Variants in ATP6V1C2 observed in about 807,000 individuals in gnomAD.
The protein encoded by ATP6V1C2 is ATPase H+ transporting V1 subunit C2.
In ATP6V1C2, 45 loss-of-function variants were observed where a neutral mutation model predicts 56.8. The ratio of observed to expected loss-of-function variants is 0.79; its 90% CI spans 0.62 to 1.02. The LOEUF (loss-of-function observed/expected upper bound fraction) is 1.02. Among genes scored for constraint, ATP6V1C2 ranks in the 50% least tolerant of loss-of-function variants. The pLI, the probability that ATP6V1C2 is intolerant of heterozygous loss-of-function variation, is 0.00. For missense variants in ATP6V1C2, 463 were observed against 519.7 expected, an observed-to-expected ratio of 0.89 and a Z score of 1.06; for synonymous variants, 220 against 201.3, an observed-to-expected ratio of 1.09 and a Z score of -0.79.
chr2:10,734,643 G>A (rs978452483), intron 3 of ATP6V1C2, among the ~76,000 whole-genome samples: 5 of 152,040 alleles, frequency 3.3e-5, no homozygotes, highest in African/African-American at 1.2e-4. Context: ...GGCAGAGGAG[G>A]GAATACACTC....
chr2:10,742,866 C>G (rs1366949175), intron 3 of ATP6V1C2, among the ~76,000 whole-genome samples: 1 of 152,160 alleles, frequency 6.6e-6, no homozygotes, highest in Non-Finnish European at 1.5e-5. Flanking sequence ...TGGGCGGCCC[C>G]TTCTCGCCTG....
At chr2:10,767,910 A>G (rs1309462431) in intron 5 of ATP6V1C2, 1 of 152,194 alleles carries the variant, frequency 6.6e-6, no homozygotes, top group African/African-American at 2.4e-5. Context: ...CCCAAAAGGT[A>G]ACCAATGTTT....
rs975078677 is a variant in ATP6V1C2 at position 10,726,520 on chromosome 2, C to G, written c.148C>G (p.Leu50Val). The change falls in exon 3 of 14, where the codon CTG (leucine) becomes GTG (valine). Residue 50 changes from leucine to valine, a missense_variant. By Grantham distance (32) the Leu-to-Val change is conservative. Coordinates refer to ENST00000272238, the MANE Select transcript of ATP6V1C2 (RefSeq NM_001039362.2). ...PDFKVGTLDS[L>V]VGLSDELGKL... ...TGTCTAGGTGGGGACCTTGGATTCC[C>G]TGGTTGGCCTCTCTGATGAGTTGGG... is the stretch of plus-strand genomic sequence containing the variant. 2 of 1,613,874 alleles carry G rather than the reference C, an allele frequency of 1.2e-6. No individual in the cohort carries two copies. The highest frequency in any genetic ancestry group is 1.7e-6 in the Non-Finnish European group (2 of 1,179,914).
chr2:10,765,106 G>A (rs1341524038), intron 5 of ATP6V1C2, among the ~76,000 whole-genome samples: 1 of 152,158 alleles, frequency 6.6e-6, no homozygotes, highest in African/African-American at 2.4e-5. Flanking sequence ...GTTTGGCCTG[G>A]GAGCCCTAAC....
At chr2:10,743,267 A>G (rs767197687) in intron 3 of ATP6V1C2, among the ~76,000 whole-genome samples, 22 of 151,430 alleles carry the variant, frequency 1.5e-4, no homozygotes, top group African/African-American at 5.1e-4. Flanking sequence ...ATTTATTTAT[A>G]TATATATTTA....
chr2:10,750,481 A>C (rs1041096313), intron 3 of ATP6V1C2, among the ~76,000 whole-genome samples: 4 of 151,644 alleles, frequency 2.6e-5, no homozygotes, highest in Non-Finnish European at 5.9e-5. Context: ...GCACCACTGC[A>C]CTCCAGCCTG....
rs1209176389 is a variant in ATP6V1C2, at chr2:10,780,365, C to T, written c.1061+1696C>T. Among the ~76,000 whole-genome samples, 1 of 152,226 alleles carries T rather than the reference C, an allele frequency of 6.6e-6. No individual in the cohort carries two copies. The highest frequency in any genetic ancestry group is 1.5e-5 in the Non-Finnish European group (1 of 68,042). On this transcript the variant is annotated intron_variant, in intron 12 of 13. Coordinates refer to ENST00000272238, the MANE Select transcript of ATP6V1C2 (RefSeq NM_001039362.2). This position sits in a 1 kb window ranked among gnomAD's most constrained non-coding sequence, Gnocchi z 4.1. ...CACCGGCCTGGCTGTTGCCATAAGC[C>T]TCCTCTCTGTTCTTGGCCTCCAATT... is the stretch of plus-strand genomic sequence containing the variant.
chr2:10,727,692 A>G (rs1347175239), intron 3 of ATP6V1C2, among the ~76,000 whole-genome samples: 3 of 152,154 alleles, frequency 2.0e-5, no homozygotes, highest in African/African-American at 7.2e-5. Flanking sequence ...TGAGATCAGG[A>G]GTTTGAGACC....
intron 3 of ATP6V1C2, among the ~76,000 whole-genome samples, chr2:10,737,443 A>G (rs1642272221): frequency 6.6e-6 from 1 of 151,878 alleles, no homozygotes; most frequent in Non-Finnish European, 1.5e-5. Flanking sequence ...AGGAAAAAGA[A>G]AGAAAATGAA....
chr2:10,771,781 G>A (rs1664624368), intron 6 of ATP6V1C2, 58 bp from the exon 7 acceptor site: 1 of 1,374,496 alleles, frequency 7.3e-7, no homozygotes, highest in Admixed American at 1.7e-5. Context: ...TGTGTGTGGG[G>A]TCACTGTGTC....
Position 10,763,681 on chromosome 2 carries a change from C to T in ATP6V1C2, c.284-650C>T, listed in dbSNP as rs140888904. Among the ~76,000 whole-genome samples, 79 of 152,348 alleles carry T rather than the reference C, an allele frequency of 5.2e-4. No homozygotes were observed. The highest frequency in any genetic ancestry group is 1.4e-3 in the Admixed American group (22 of 15,298). ...ATAGACCCGGCGTATTAAAAGAGGTCAGGTCCTGGGGCGGCTGGCCCAGGT... is the reference window on the plus strand; with the variant it reads ...ATAGACCCGGCGTATTAAAAGAGGTTAGGTCCTGGGGCGGCTGGCCCAGGT... On this transcript the variant is annotated intron_variant, in intron 4 of 13. Coordinates refer to ENST00000272238, the MANE Select transcript of ATP6V1C2 (RefSeq NM_001039362.2). The surrounding 1 kb of genome is among the most constrained non-coding windows in gnomAD (Gnocchi z 4.2).
At position 10,763,037 on chromosome 2, in the gene ATP6V1C2, G is replaced by T. The variant is rs892199307; in HGVS notation, c.284-1294G>T. 6.6e-6 allele frequency among the ~76,000 whole-genome samples: 1 copy of T among 152,164 alleles called. No homozygotes were observed. Among genetic ancestry groups the T allele is most frequent in the Non-Finnish European group, 1.5e-5 (1 of 68,022 alleles). On this transcript the variant is annotated intron_variant, in intron 4 of 13. Transcript: ENST00000272238. The surrounding 1 kb of genome is among the most constrained non-coding windows in gnomAD (Gnocchi z 4.2). Reference sequence around the variant, plus strand: ...CCACTGGGCGCTGCTGTTGGGGTTGGAGGAATCTCAGTCCAATTCCCGTGC... The same window carrying T: ...CCACTGGGCGCTGCTGTTGGGGTTGTAGGAATCTCAGTCCAATTCCCGTGC...
chr2:10,739,734 A>T (rs1662444400), intron 3 of ATP6V1C2, among the ~76,000 whole-genome samples: 1 of 152,132 alleles, frequency 6.6e-6, no homozygotes, highest in African/African-American at 2.4e-5. Context: ...TTAATTTTGT[A>T]ATTAATATCC....
rs57191070 is a variant in ATP6V1C2, at chr2:10,757,003, C to CTT, written c.283+2965_283+2966dup. 2.3e-3 allele frequency among the ~76,000 whole-genome samples: 190 copies of CTT among 81,558 alleles called. 32 individuals are homozygous for CTT. The highest frequency in any genetic ancestry group is 3.2e-3 in the Non-Finnish European group (145 of 44,912). The allele number at this position is 81,558 out of a possible 152,430, so 53.5% of individuals were successfully genotyped here. On this transcript the variant is annotated intron_variant, in intron 4 of 13. Coordinates refer to ENST00000272238, the MANE Select transcript of ATP6V1C2 (RefSeq NM_001039362.2). ...TTTCCCTCTTGAAAACATGAGGAGACTTTTTTTTTTTTTTTTTTTTTTTTT... is the reference window on the plus strand; with the variant it reads ...TTTCCCTCTTGAAAACATGAGGAGACTTTTTTTTTTTTTTTTTTTTTTTTTTT...
At chr2:10,742,318 C>G (rs986421316) in intron 3 of ATP6V1C2, among the ~76,000 whole-genome samples, 1 of 152,186 alleles carries the variant, frequency 6.6e-6, no homozygotes, top group Non-Finnish European at 1.5e-5. Flanking sequence ...TAGACTTGCC[C>G]TCAGGATCCT....
chr2:10,749,491 C>T lies in ATP6V1C2; in HGVS notation c.198-4490C>T, dbSNP rs116494169. 7.7e-3 allele frequency among the ~76,000 whole-genome samples: 1,172 copies of T among 152,148 alleles called. 22 individuals are homozygous for T. The highest frequency in any genetic ancestry group is 0.027 in the African/African-American group (1,128 of 41,510). ...AAAGAAATGCAAATCAAAGCAACAA[C>T]GAGATATAATTTTTCAGACATCAGA... On this transcript the variant is annotated intron_variant, in intron 3 of 13. Coordinates refer to ENST00000272238, the MANE Select transcript of ATP6V1C2 (RefSeq NM_001039362.2).
At chr2:10,760,036 T>G (rs1431646026) in intron 4 of ATP6V1C2, among the ~76,000 whole-genome samples, 3 of 150,984 alleles carry the variant, frequency 2.0e-5, no homozygotes, top group Non-Finnish European at 4.4e-5. Flanking sequence ...TTTTGTTTTT[T>G]TTTTTTTTGC....
chr2:10,760,183 G>A (rs1417392878), intron 4 of ATP6V1C2, among the ~76,000 whole-genome samples: 1 of 152,012 alleles, frequency 6.6e-6, no homozygotes, highest in Admixed American at 6.5e-5. Flanking sequence ...GACCAGCCTG[G>A]CCAACATGGT....
intron 3 of ATP6V1C2, among the ~76,000 whole-genome samples, chr2:10,745,041 C>T (rs955386339): frequency 3.4e-4 from 38 of 113,230 alleles, no homozygotes; most frequent in Non-Finnish European, 3.6e-4. Flanking sequence ...TATTTATTTT[C>T]TTTTTTTTTT....
Sources: gnomAD v4.1 joint callset for allele counts (sites outside exome capture counted in the v4.1 genomes callset) on GRCh38, gnomAD v4.1.1 for gene constraint, Gnocchi (gnomAD v3.1) non-coding constraint, MANE v1.5 for transcripts, NCBI Gene and HGNC (gene_info 2026-07-23, HGNC 2026-07-21) for gene names.